CCDC169: variants seen among roughly 807,000 people sequenced by gnomAD.
The protein encoded by CCDC169 is coiled-coil domain containing 169.
In CCDC169, 30 loss-of-function variants were observed where a neutral mutation model predicts 36.0. The ratio of observed to expected loss-of-function variants is 0.83; its 90% CI spans 0.62 to 1.13. The LOEUF (loss-of-function observed/expected upper bound fraction) is 1.13. Among genes scored for constraint, CCDC169 ranks in the 50% most tolerant of loss-of-function variants. The probability of loss-of-function intolerance (pLI) is 0.00; values close to 1 mark genes in which losing one functional copy is unlikely to be tolerated. For missense variants in CCDC169, 245 were observed against 245.9 expected (o/e 1.00, Z 0.03); for synonymous variants, 85 against 81.5 (o/e 1.04, Z -0.23).
Position 36,279,657 on chromosome 13 carries a change from C to A in CCDC169, c.315+3812G>T, listed in dbSNP as rs1419451606. ...ACCTACCAAAGTTTATGGATCACTG[C>A]CTTAAAGCAGAGGCTGGCAAACTAT... is the stretch of plus-strand genomic sequence containing the variant. On this transcript the variant is annotated intron_variant, in intron 4 of 7. Transcript: ENST00000239859. Among the ~76,000 whole-genome samples the A allele has an allele frequency of 2.0e-5, 3 of 152,122 alleles. No individual in the cohort carries two copies. The East Asian group carries it at 5.8e-4, about 29-fold the overall frequency.
At chr13:36,239,793 C>T (rs1871546938) in intron 7 of CCDC169, among the ~76,000 whole-genome samples, 1 of 150,720 alleles carries the variant, frequency 6.6e-6, no homozygotes, top group African/African-American at 2.4e-5. Context: ...TGCCGATTTT[C>T]ATTTACACTT....
At chr13:36,272,280 ACAT>A (rs1876191550) in intron 4 of CCDC169, among the ~76,000 whole-genome samples, 1 of 151,714 alleles carries the variant, frequency 6.6e-6, no homozygotes, top group East Asian at 1.9e-4. Context: ...TTGAAAAAAG[ACAT>A]CAGGGAACTT....
chr13:36,237,112 A>C (rs780220013), intron 7 of CCDC169, among the ~76,000 whole-genome samples: 8 of 151,718 alleles, frequency 5.3e-5, no homozygotes, highest in Non-Finnish European at 1.0e-4. Context: ...TTTGATCCAC[A>C]GTTGGTTGAA....
intron 2 of CCDC169, among the ~76,000 whole-genome samples, chr13:36,294,323 C>T (rs1332799128): frequency 1.3e-5 from 2 of 152,154 alleles, no homozygotes; most frequent in South Asian, 2.1e-4. Flanking sequence ...TAACTGGGTA[C>T]ATGAGGACGT....
At chr13:36,226,908 C>A (rs879607176), downstream of CCDC169, 13 of 404,240 alleles carry the variant, frequency 3.2e-5, no homozygotes, top group Middle Eastern at 2.6e-3. Context: ...CAATATACCA[C>A]GATAGCAAAC....
intron 7 of CCDC169, chr13:36,240,716 A>G: frequency 1.2e-6 from 1 of 829,054 alleles, no homozygotes; most frequent in Non-Finnish European, 1.7e-6. Context: ...AAAAAAATAA[A>G]CTTTAGTTTT....
intron 7 of CCDC169, among the ~76,000 whole-genome samples, chr13:36,234,325 A>G (rs1215735891): frequency 6.6e-6 from 1 of 152,150 alleles, no homozygotes; most frequent in Non-Finnish European, 1.5e-5. Context: ...ACTAAAGAAA[A>G]CTGAACAGTC....
chr13:36,248,803 G>T, intron 6 of CCDC169, 121 bp from the exon 7 acceptor site: 1 of 830,926 alleles, frequency 1.2e-6, no homozygotes, highest in Non-Finnish European at 1.8e-6. Flanking sequence ...ATGTGTAAGA[G>T]AAGCTGAGAA....
intron 6 of CCDC169, among the ~76,000 whole-genome samples, chr13:36,251,705 G>C (rs969378594): frequency 6.6e-6 from 1 of 152,126 alleles, no homozygotes; most frequent in Non-Finnish European, 1.5e-5. Flanking sequence ...GGAATAGAAA[G>C]CATGAGTCAC....
chr13:36,291,989 CTT>C (rs35326800), intron 2 of CCDC169, among the ~76,000 whole-genome samples: 94 of 134,810 alleles, frequency 7.0e-4, no homozygotes, highest in Admixed American at 2.0e-3. Flanking sequence ...AATAAGTCTT[CTT>C]TTTTTTTTTT....
chr13:36,259,533 G>T (rs9602594), intron 4 of CCDC169, among the ~76,000 whole-genome samples: 61,648 of 152,052 alleles, frequency 0.41, 13,276 homozygotes, highest in Non-Finnish European at 0.48. Flanking sequence ...TTAACTAAAA[G>T]AACTTGATAA....
chr13:36,259,629 A>C lies in CCDC169; in HGVS notation c.316-5486T>G, dbSNP rs1170939. On this transcript the variant is annotated intron_variant, in intron 4 of 7. Coordinates refer to ENST00000239859, the MANE Select transcript of CCDC169 (RefSeq NM_001144981.3). ...CCAGAGGCTGAAGACATGGCCTGCA[A>C]TCAATCAGAGGCTGAAGTGGAGTTA... Among the ~76,000 whole-genome samples the C allele has an allele frequency of 5.7e-3, 861 of 152,104 alleles. 15 individuals are homozygous for C. Among genetic ancestry groups the C allele is most frequent in the South Asian group, 0.043 (208 of 4,818 alleles).
At chr13:36,223,007 A>C (rs1042089570), downstream of CCDC169, 2 of 152,192 alleles carry the variant, frequency 1.3e-5, no homozygotes, top group East Asian at 1.9e-4. Context: ...AAATGGCCCA[A>C]AATTTTCCAC....
chr13:36,292,630 T>C (rs1879037327), intron 2 of CCDC169, among the ~76,000 whole-genome samples: 1 of 152,124 alleles, frequency 6.6e-6, no homozygotes, highest in Non-Finnish European at 1.5e-5. Flanking sequence ...GATCAAACAA[T>C]AAGCAGATGA....
In CCDC169 at chr13:36,256,778, C is replaced by T. The variant is rs1025605932; in HGVS notation, c.316-2635G>A. Among the ~76,000 whole-genome samples, 7 of 152,218 alleles carry T rather than the reference C, an allele frequency of 4.6e-5. No homozygotes were observed. In the East Asian group the frequency reaches 1.4e-3, roughly 29 times the overall value. ...TGTGGACCTCACCCTGGGCTGAACC[C>T]CTCTGGGCTGTCTCTTCCCTTCTTC... On this transcript the variant is annotated intron_variant, in intron 4 of 7. Coordinates refer to ENST00000239859, the MANE Select transcript of CCDC169 (RefSeq NM_001144981.3).
downstream of CCDC169, chr13:36,223,209 T>C (rs1442391821): frequency 1.3e-5 from 2 of 152,226 alleles, no homozygotes; most frequent in Non-Finnish European, 2.9e-5. Flanking sequence ...TTTTGTCTCA[T>C]GTTTTGTTGT....
At chr13:36,266,610 G>C (rs1421399098) in intron 4 of CCDC169, among the ~76,000 whole-genome samples, 1 of 152,176 alleles carries the variant, frequency 6.6e-6, no homozygotes, top group East Asian at 1.9e-4. Context: ...TACTGGTATA[G>C]AGGGCCTCTT....
chr13:36,238,565 A>G (rs1871354806), intron 7 of CCDC169, among the ~76,000 whole-genome samples: 1 of 152,200 alleles, frequency 6.6e-6, no homozygotes, highest in Non-Finnish European at 1.5e-5. Context: ...GAAATATGGA[A>G]TTAACCACAA....
At chr13:36,278,310 T>A (rs1346738451) in intron 4 of CCDC169, among the ~76,000 whole-genome samples, 3 of 152,174 alleles carry the variant, frequency 2.0e-5, no homozygotes, top group Non-Finnish European at 4.4e-5. Flanking sequence ...CTCAGAGAGA[T>A]GAAATAACTT....
Sources: gnomAD v4.1 joint callset for allele counts (sites outside exome capture counted in the v4.1 genomes callset) on GRCh38, gnomAD v4.1.1 for gene constraint, MANE v1.5 for transcripts, NCBI Gene and HGNC (gene_info 2026-07-23, HGNC 2026-07-21) for gene names.